Variants in ROBO1 observed in about 807,000 individuals in gnomAD.
The protein encoded by ROBO1 is roundabout guidance receptor 1, also known as roundabout homolog 1.
In ROBO1, 149 loss-of-function variants were observed where a neutral mutation model predicts 195.9. The ratio of observed to expected loss-of-function variants is 0.76; its 90% CI spans 0.67 to 0.87. The LOEUF is 0.87. Among genes scored for constraint, ROBO1 ranks in the 40% least tolerant of loss-of-function variants. The probability of loss-of-function intolerance (pLI) is 0.00; values close to 1 mark genes in which losing one functional copy is unlikely to be tolerated. For synonymous variants in ROBO1, 816 were observed against 733.2 expected (o/e 1.11, Z -1.82); for missense variants, 1,933 against 2,068.3 (o/e 0.93, Z 1.27).
At chr3:78,955,230 C>T (rs141117996) in intron 3 of ROBO1, among the ~76,000 whole-genome samples, 4 of 137,438 alleles carry the variant, frequency 2.9e-5, no homozygotes, top group South Asian at 2.4e-4. Context: ...GGGGGTTATA[C>T]AGGTAAACTG....
intron 10 of ROBO1, among the ~76,000 whole-genome samples, chr3:78,671,047 T>C (rs1708035763): frequency 6.6e-6 from 1 of 152,236 alleles, no homozygotes; most frequent in African/African-American, 2.4e-5. Flanking sequence ...GGAATGTGCC[T>C]CTGCTAACTC....
chr3:79,133,945 G>T (rs911240398), intron 2 of ROBO1, among the ~76,000 whole-genome samples: 1 of 152,144 alleles, frequency 6.6e-6, no homozygotes, highest in South Asian at 2.1e-4. Flanking sequence ...ACCCTGCCGT[G>T]TGAGGTGTCA....
chr3:79,709,238 C>A (rs1490881293), intron 1 of ROBO1, among the ~76,000 whole-genome samples: 1 of 152,068 alleles, frequency 6.6e-6, no homozygotes, highest in East Asian at 1.9e-4. Flanking sequence ...TTTCCAAGAT[C>A]TTAATTTGTT....
chr3:79,118,488 T>A (rs940849113), intron 3 of ROBO1, among the ~76,000 whole-genome samples: 1 of 152,190 alleles, frequency 6.6e-6, no homozygotes, highest in African/African-American at 2.4e-5. Flanking sequence ...GCATACCTAA[T>A]GAACACCTGT....
At chr3:79,666,834 C>G (rs920331534) in intron 1 of ROBO1, among the ~76,000 whole-genome samples, 2 of 151,902 alleles carry the variant, frequency 1.3e-5, no homozygotes, top group Non-Finnish European at 2.9e-5. Flanking sequence ...CAAAATCTGA[C>G]TTTAAAGATC....
chr3:78,892,705 A>C lies in ROBO1; in HGVS notation c.499+45896T>G, dbSNP rs2107382749. ...TTTTTGGTAGGTGGATCAGTGAAGA[A>C]ATACTTAGTTCATGTTTCTGAACAG... On this transcript the variant is annotated intron_variant, in intron 4 of 30. Transcript: ENST00000464233. Among the ~76,000 whole-genome samples, 3 of 152,280 alleles carry C rather than the reference A, an allele frequency of 2.0e-5. 1 individual carries two copies. In the Middle Eastern group the frequency reaches 0.01, roughly 518 times the overall value.
chr3:78,859,999 AACC>A, intron 4 of ROBO1, among the ~76,000 whole-genome samples: 1 of 152,136 alleles, frequency 6.6e-6, no homozygotes, highest in South Asian at 2.1e-4. Flanking sequence ...GAATGGCATG[AACC>A]CAGGAGGCGG....
chr3:79,139,052 T>C (rs2080471038), intron 2 of ROBO1, among the ~76,000 whole-genome samples: 1 of 151,788 alleles, frequency 6.6e-6, no homozygotes, highest in African/African-American at 2.4e-5. Flanking sequence ...TTAAGTTAAT[T>C]TGGGGTACAT....
chr3:78,918,460 A>T (rs985867870), intron 4 of ROBO1, among the ~76,000 whole-genome samples: 10 of 152,190 alleles, frequency 6.6e-5, no homozygotes, highest in African/African-American at 2.4e-4. Context: ...CTTTTGTTCA[A>T]TTCAGAGAAC....
chr3:79,523,662 C>T lies in ROBO1; in HGVS notation c.88+66162G>A, dbSNP rs139263294. On this transcript the variant is annotated intron_variant, in intron 2 of 30. Transcript: ENST00000464233. ...TAATTTTTTCTATTTTTAGTAGAGA[C>T]GGGGTTTCACCATGTTGGTCAGGCT... Among the ~76,000 whole-genome samples, 471 of 151,800 alleles carry T rather than the reference C, an allele frequency of 3.1e-3. 2 individuals are homozygous for T. Among genetic ancestry groups the T allele is most frequent in the African/African-American group, 0.011 (437 of 41,400 alleles).
chr3:78,787,672 G>T (rs889827325), intron 4 of ROBO1, among the ~76,000 whole-genome samples: 5 of 152,118 alleles, frequency 3.3e-5, no homozygotes, highest in Non-Finnish European at 7.4e-5. Flanking sequence ...GGTCAGGTGC[G>T]GTGGCTAATG....
At chr3:78,708,471 G>A (rs1340405972) in intron 8 of ROBO1, among the ~76,000 whole-genome samples, 1 of 151,732 alleles carries the variant, frequency 6.6e-6, no homozygotes. Flanking sequence ...AAAAGCATTT[G>A]CTTTTCTTTT....
chr3:78,786,189 T>TTAA (rs1239157134), intron 4 of ROBO1, among the ~76,000 whole-genome samples: 2 of 152,224 alleles, frequency 1.3e-5, no homozygotes, highest in Non-Finnish European at 2.9e-5. Context: ...GAAAGTAAGA[T>TTAA]TAATAAAAGT....
At chr3:79,154,399 C>T (rs1300420318) in intron 2 of ROBO1, among the ~76,000 whole-genome samples, 1 of 151,758 alleles carries the variant, frequency 6.6e-6, no homozygotes, top group Non-Finnish European at 1.5e-5. Flanking sequence ...AGATTGACCA[C>T]AGTTATACAT....
intron 2 of ROBO1, among the ~76,000 whole-genome samples, chr3:79,557,730 TAAAACAAAA>T (rs1217387255): frequency 9.0e-6 from 1 of 110,556 alleles, no homozygotes; most frequent in African/African-American, 4.3e-5. Flanking sequence ...GAGACTGTCT[TAAAACAAAA>T]AAAAATATAT....
intron 4 of ROBO1, among the ~76,000 whole-genome samples, chr3:78,892,097 C>T (rs898366931): frequency 2.6e-5 from 4 of 152,304 alleles, no homozygotes; most frequent in South Asian, 4.1e-4. Context: ...GGGCCGTGCA[C>T]GCCTGTAATC....
chr3:79,392,359 C>T (rs890820125), intron 2 of ROBO1, among the ~76,000 whole-genome samples: 27 of 152,170 alleles, frequency 1.8e-4, no homozygotes, highest in African/African-American at 5.8e-4. Flanking sequence ...GAAATGAGTA[C>T]CAGTTTTGAA....
intron 4 of ROBO1, among the ~76,000 whole-genome samples, chr3:78,853,927 T>C (rs2034241490): frequency 1.3e-5 from 2 of 152,082 alleles, no homozygotes; most frequent in South Asian, 4.1e-4. Flanking sequence ...GTCAACAGTA[T>C]GGAAGACACC....
chr3:78,970,394 G>A (rs1360814756), intron 3 of ROBO1, among the ~76,000 whole-genome samples: 2 of 151,984 alleles, frequency 1.3e-5, no homozygotes, highest in Admixed American at 1.3e-4. Flanking sequence ...ATACTACACT[G>A]CAGGGTGATA....
Sources: allele counts gnomAD v4.1 joint callset (sites outside exome capture counted in the v4.1 genomes callset), GRCh38; gene constraint gnomAD v4.1.1; transcripts MANE v1.5; gene names NCBI Gene and HGNC (gene_info 2026-07-23, HGNC 2026-07-21).